The following PCNX1 variants were observed in gnomAD, a reference collection of about 807,000 sequenced individuals.
The protein encoded by PCNX1 is pecanex-like protein 1.
A neutral mutation model predicts 242.2 loss-of-function variants in PCNX1; 78 were observed. That is an observed-to-expected ratio of 0.32 (90% CI 0.27 to 0.39). The LOEUF is 0.39. Among genes scored for constraint, PCNX1 ranks in the 10% least tolerant of loss-of-function variants. The pLI is 1.00. For missense variants in PCNX1, 2,581 were observed against 2,856.5 expected (o/e 0.90, Z 2.20); for synonymous variants, 1,024 against 1,032.9 (o/e 0.99, Z 0.17).
chr14:71,102,320 C>T, intron 31 of PCNX1, 100 bp downstream of exon 31: 1 of 748,402 alleles, frequency 1.3e-6, no homozygotes, highest in Non-Finnish European at 2.3e-6. Context: ...TGGGCCCAGG[C>T]TGGAATACAG....
chr14:70,948,357 T>C (rs548372613), intron 2 of PCNX1, among the ~76,000 whole-genome samples: 126 of 152,148 alleles, frequency 8.3e-4, no homozygotes, highest in Non-Finnish European at 1.6e-3. Flanking sequence ...TTGTACTCTT[T>C]CCCTTTATTT....
chr14:71,013,103 C>G lies in PCNX1; in HGVS notation c.2897C>G (p.Ala966Gly). 1 of 1,614,158 alleles carries G rather than the reference C, an allele frequency of 6.2e-7. No homozygotes were observed. The highest frequency in any genetic ancestry group is 8.5e-7 in the Non-Finnish European group (1 of 1,180,016). ...GCTACTTACGGCCCAACAGAAGAAGCTGCCCAAAAGGTTAAACACTATTAT... is the reference window on the plus strand; with the variant it reads ...GCTACTTACGGCCCAACAGAAGAAGGTGCCCAAAAGGTTAAACACTATTAT... The part of the protein sequence containing the change: ...LAATYGPTEE[A>G]AQKVKHYYRF... The change falls in exon 11 of 36, where the codon GCT (alanine) becomes GGT (glycine). Residue 966 changes from alanine to glycine, a missense_variant. Physicochemically the swap from Ala to Gly is moderately conservative, Grantham distance 60. Transcript: ENST00000304743.
rs1179358367 is a variant in PCNX1, at chr14:70,908,099, C to T, written c.153+96C>T. The stretch of plus-strand genomic sequence containing the variant: ...TCTTCCTCTTCCACGGGGTCTCGTC[C>T]CCCGGGGGCCGCCACCCTCTCGGTG... On this transcript the variant is annotated intron_variant, in intron 1 of 35. Transcript: ENST00000304743. 55 of 1,205,202 alleles carry T rather than the reference C, an allele frequency of 4.6e-5. 1 individual carries two copies. The highest frequency in any genetic ancestry group is 6.0e-5 in the Non-Finnish European group (54 of 904,274). The allele number at this position is 1,205,202 out of a possible 1,614,324, so 74.7% of individuals were successfully genotyped here.
rs562964217 is a variant in PCNX1, at chr14:70,952,976, G to A, written c.362+5853G>A. Among the ~76,000 whole-genome samples the A allele has an allele frequency of 2.0e-3, 306 of 152,186 alleles. 1 individual carries two copies. The highest frequency in any genetic ancestry group is 2.8e-3 in the Non-Finnish European group (188 of 67,974). On this transcript the variant is annotated intron_variant, in intron 2 of 35. Coordinates refer to ENST00000304743, the MANE Select transcript of PCNX1 (RefSeq NM_014982.3). ...TTAGCTATTGATTTGGGATTTAAAAGAAGAAAATTGGCTGGGCAAGGTGGC... is the reference window on the plus strand; with the variant it reads ...TTAGCTATTGATTTGGGATTTAAAAAAAGAAAATTGGCTGGGCAAGGTGGC...
chr14:70,949,263 GTGTATGCACACACGTGTATACACACA>G (rs2057647562), intron 2 of PCNX1, among the ~76,000 whole-genome samples: 1 of 24,046 alleles, frequency 4.2e-5, no homozygotes, highest in South Asian at 2.5e-3. Context: ...ACACACACAC[GTGTATGCACACACGTGTATACACACA>G]CGTGTGTACA....
chr14:70,944,541 G>A (rs1264317462), intron 1 of PCNX1, among the ~76,000 whole-genome samples: 10 of 152,204 alleles, frequency 6.6e-5, no homozygotes, highest in Non-Finnish European at 1.0e-4. Flanking sequence ...GAAGTGACTT[G>A]CCTTGTCTGT....
chr14:70,939,483 T>C (rs2057145798), intron 1 of PCNX1, among the ~76,000 whole-genome samples: 1 of 152,234 alleles, frequency 6.6e-6, no homozygotes, highest in Admixed American at 6.5e-5. Flanking sequence ...TTGATTGCAC[T>C]GTGGTCTGAG....
At chr14:71,086,061 G>T (rs1174588318) in intron 28 of PCNX1, among the ~76,000 whole-genome samples, 2 of 151,962 alleles carry the variant, frequency 1.3e-5, no homozygotes, top group East Asian at 3.9e-4. Flanking sequence ...CTAAGTTTTT[G>T]AGATCATTTA....
chr14:71,024,405 G>A (rs941414689), intron 13 of PCNX1, among the ~76,000 whole-genome samples: 2 of 151,952 alleles, frequency 1.3e-5, no homozygotes, highest in East Asian at 1.9e-4. Flanking sequence ...GCAATTCTTT[G>A]GAAGCTATCT....
chr14:70,936,587 A>G (rs1413398381), intron 1 of PCNX1, among the ~76,000 whole-genome samples: 3 of 152,240 alleles, frequency 2.0e-5, no homozygotes, highest in Non-Finnish European at 4.4e-5. Context: ...ACTGCATTAA[A>G]CATACGTGTT....
intron 22 of PCNX1, among the ~76,000 whole-genome samples, chr14:71,048,771 C>G (rs1400440398): frequency 1.3e-5 from 2 of 151,468 alleles, no homozygotes; most frequent in African/African-American, 4.9e-5. Context: ...AAGAGAGAAC[C>G]TAAAGGTACA....
chr14:70,991,432 C>G (rs2059163846), intron 7 of PCNX1, among the ~76,000 whole-genome samples: 1 of 152,026 alleles, frequency 6.6e-6, no homozygotes, highest in Non-Finnish European at 1.5e-5. Flanking sequence ...TCTTGAACTC[C>G]TGACCTCGTG....
intron 11 of PCNX1, among the ~76,000 whole-genome samples, chr14:71,014,498 T>A (rs2059907847): frequency 6.6e-6 from 1 of 152,212 alleles, no homozygotes; most frequent in Non-Finnish European, 1.5e-5. Flanking sequence ...GCTTTCCCTA[T>A]GTTTAAAAAG....
At chr14:71,105,468 A>G (rs371071432) in intron 33 of PCNX1, 28 bp downstream of exon 33, 54 of 1,548,834 alleles carry the variant, frequency 3.5e-5, no homozygotes, top group Non-Finnish European at 4.4e-5. Context: ...TATATGTCTA[A>G]TGTTAGCTTC....
chr14:70,968,214 C>A lies in PCNX1; in HGVS notation c.485C>A (p.Ser162Ter), dbSNP rs150578487. Residue 162 changes from serine (S) to a stop codon, truncating the protein, a stop_gained, in exon 4 of 36, where the codon TCG (serine) becomes TAG (stop). Coordinates refer to ENST00000304743, the MANE Select transcript of PCNX1 (RefSeq NM_014982.3). LOFTEE classifies it high-confidence loss of function. ...CGTTTTCAGATTGGATCTGGTTCCT[C>A]GCGTCTTGGAACAGCAGCAACTATT... ...DPSNQIGSGS[S>*]RLGTAATIKG... The A allele has an allele frequency of 6.2e-7, 1 of 1,612,742 alleles. No homozygotes were observed. The highest frequency in any genetic ancestry group is 8.5e-7 in the Non-Finnish European group (1 of 1,178,996).
intron 1 of PCNX1, among the ~76,000 whole-genome samples, chr14:70,935,557 C>G (rs949662206): frequency 1.3e-5 from 2 of 152,146 alleles, no homozygotes; most frequent in African/African-American, 4.8e-5. Context: ...TCCTGTAGAC[C>G]ATTCAGTGTT....
Position 71,109,839 on chromosome 14 carries a change from A to T in PCNX1, c.6930A>T (p.Arg2310Ser), listed in dbSNP as rs750768268. The stretch of plus-strand genomic sequence containing the variant: ...CTTGCAGCAGAGATCCAGGTACCAG[A>T]TCCCACATCGACAAGGCAGTGCTTC... ...WVPCSRDPGT[R>S]SHIDKAVLLV... is the part of the protein sequence containing the mutation. Residue 2310 changes from arginine to serine, a missense_variant, in exon 36 of 36, where the codon AGA becomes AGT. Arg to Ser is a moderately radical substitution (Grantham distance 110). Coordinates refer to ENST00000304743, the MANE Select transcript of PCNX1 (RefSeq NM_014982.3). 1 of 1,613,446 alleles carries T rather than the reference A, an allele frequency of 6.2e-7. No homozygotes were observed. The highest frequency in any genetic ancestry group is 8.5e-7 in the Non-Finnish European group (1 of 1,179,396).
chr14:70,940,084 A>G (rs986766933), intron 1 of PCNX1, among the ~76,000 whole-genome samples: 6 of 151,968 alleles, frequency 3.9e-5, no homozygotes, highest in African/African-American at 9.7e-5. Context: ...TCTTTATCCA[A>G]TTTGCCAGTC....
chr14:71,088,215 G>T (rs1011237100), intron 28 of PCNX1, 115 bp from the exon 29 acceptor site: 1 of 527,638 alleles, frequency 1.9e-6, no homozygotes, highest in African/African-American at 1.9e-5. Flanking sequence ...ATTTTGAGGA[G>T]ATAGAAATTA....
Sources: allele counts gnomAD v4.1 joint callset (sites outside exome capture counted in the v4.1 genomes callset), GRCh38; gene constraint gnomAD v4.1.1; transcripts MANE v1.5; gene names NCBI Gene and HGNC (gene_info 2026-07-23, HGNC 2026-07-21).